The following ME3 variants were observed in gnomAD, a reference collection of about 807,000 sequenced individuals.
The protein encoded by ME3 is malic enzyme 3.
Under a neutral mutation model 68.9 loss-of-function variants are expected in ME3, and 48 were observed. The ratio of observed to expected loss-of-function variants is 0.70; its 90% CI spans 0.55 to 0.89. The LOEUF (loss-of-function observed/expected upper bound fraction) is 0.89, where lower values mean the gene tolerates loss of function less well. Ranked by LOEUF, ME3 falls within the 40% of genes least tolerant of loss-of-function variation. ME3 has a pLI of 0.00. For synonymous variants in ME3, 320 were observed against 318.8 expected, an observed-to-expected ratio of 1.00 and a Z score of -0.04; for missense variants, 675 against 797.4, an observed-to-expected ratio of 0.85 and a Z score of 1.85.
At chr11:86,480,445 G>A (rs1433418874) in intron 7 of ME3, among the ~76,000 whole-genome samples, 48 of 152,284 alleles carry the variant, frequency 3.2e-4, no homozygotes, top group African/African-American at 1.1e-3. Context: ...TACTTTCACA[G>A]GAAGCCATTT....
chr11:86,651,287 G>A (rs917781162), intron 2 of ME3, among the ~76,000 whole-genome samples: 3 of 152,238 alleles, frequency 2.0e-5, no homozygotes, highest in Non-Finnish European at 2.9e-5. Context: ...AGAATGGACA[G>A]ACTGCCTCCT....
intron 13 of ME3, among the ~76,000 whole-genome samples, chr11:86,443,722 A>G (rs1280408018): frequency 6.6e-6 from 1 of 152,180 alleles, no homozygotes; most frequent in East Asian, 1.9e-4. Context: ...TCTCCCCTCA[A>G]TGTTTTCAGA....
chr11:86,597,628 G>A (rs1959740106), intron 2 of ME3, among the ~76,000 whole-genome samples: 2 of 152,196 alleles, frequency 1.3e-5, no homozygotes, highest in East Asian at 1.9e-4. Context: ...CGTGGGAAAT[G>A]CCTTTGAGCA....
intron 2 of ME3, among the ~76,000 whole-genome samples, chr11:86,656,498 A>T (rs917743089): frequency 6.6e-6 from 1 of 151,748 alleles, no homozygotes; most frequent in Non-Finnish European, 1.5e-5. Context: ...CATCGCAAGG[A>T]CAAAAAACCA....
At chr11:86,494,334 C>T (rs1446969996) in intron 6 of ME3, among the ~76,000 whole-genome samples, 1 of 152,206 alleles carries the variant, frequency 6.6e-6, no homozygotes, top group Admixed American at 6.5e-5. Context: ...AACACCTGAC[C>T]CCTTGGAGCA....
chr11:86,475,884 G>GAGAGAGAGAGAA (rs1565830395), intron 7 of ME3, among the ~76,000 whole-genome samples: 4 of 143,192 alleles, frequency 2.8e-5, no homozygotes. Context: ...TAGAGAGAGA[G>GAGAGAGAGAGAA]AGAGAGAGAG....
chr11:86,511,385 C>T (rs1379758198), intron 4 of ME3, among the ~76,000 whole-genome samples: 1 of 152,160 alleles, frequency 6.6e-6, no homozygotes, highest in East Asian at 1.9e-4. Context: ...TTTTTCCATT[C>T]CTTTATGTGC....
rs144877788 is a variant in ME3, at chr11:86,546,188, G to A, written c.467+10365C>T. ...CTCAAGATGGATTAAAGACTTAAAC[G>A]TAAGACCTAAAACCATAAAAACCCT... On this transcript the variant is annotated intron_variant, in intron 4 of 14. Coordinates refer to ENST00000543262, the Ensembl canonical transcript of ME3. 9.8e-4 allele frequency among the ~76,000 whole-genome samples: 149 copies of A among 152,188 alleles called. 2 individuals carry two copies. The East Asian group carries it at 0.025, about 25-fold the overall frequency.
intron 2 of ME3, among the ~76,000 whole-genome samples, chr11:86,583,322 G>C (rs1958545535): frequency 6.6e-6 from 1 of 152,078 alleles, no homozygotes; most frequent in African/African-American, 2.4e-5. Context: ...AGTAATTGTG[G>C]GTTTTGCCAT....
intron 7 of ME3, among the ~76,000 whole-genome samples, chr11:86,474,774 A>G (rs1280397943): frequency 5.3e-5 from 8 of 152,208 alleles, no homozygotes; most frequent in Non-Finnish European, 8.8e-5. Context: ...TCTTTTGATC[A>G]CCTTATGCCC....
At chr11:86,640,747 C>T (rs1002312140) in intron 2 of ME3, among the ~76,000 whole-genome samples, 7 of 152,214 alleles carry the variant, frequency 4.6e-5, no homozygotes, top group African/African-American at 1.7e-4. Flanking sequence ...TTCAGTTATG[C>T]TCTCCATGAT....
At chr11:86,445,590 CCTTG>C (rs1211551074) in intron 13 of ME3, among the ~76,000 whole-genome samples, 2 of 152,178 alleles carry the variant, frequency 1.3e-5, no homozygotes, top group African/African-American at 4.8e-5. Context: ...CATTTCTATG[CCTTG>C]CTTTTGTCAG....
intron 2 of ME3, among the ~76,000 whole-genome samples, chr11:86,580,915 C>G (rs1311598540): frequency 6.6e-6 from 1 of 152,214 alleles, no homozygotes; most frequent in African/African-American, 2.4e-5. Flanking sequence ...TCCTGGTCGG[C>G]CTTATCCCAC....
At chr11:86,457,121 A>G (rs1949985242) in intron 8 of ME3, among the ~76,000 whole-genome samples, 2 of 152,116 alleles carry the variant, frequency 1.3e-5, no homozygotes. Flanking sequence ...TACTTGTCCC[A>G]TTATTCCCAC....
intron 7 of ME3, 93 bp downstream of exon 7, chr11:86,487,244 C>T: frequency 9.5e-7 from 1 of 1,050,586 alleles, no homozygotes; most frequent in Non-Finnish European, 1.5e-6. Flanking sequence ...CATCTACTGC[C>T]TTTACTTTGT....
At chr11:86,639,058 G>A (rs1944513435) in intron 2 of ME3, among the ~76,000 whole-genome samples, 1 of 152,160 alleles carries the variant, frequency 6.6e-6, no homozygotes, top group Non-Finnish European at 1.5e-5. Context: ...TAACACAGCA[G>A]AGCCTCTCAC....
intron 2 of ME3, among the ~76,000 whole-genome samples, chr11:86,560,752 A>ATGTGTG (rs1565953971): frequency 2.9e-5 from 2 of 68,304 alleles, no homozygotes; most frequent in Middle Eastern, 7.7e-3. Flanking sequence ...GTGTGTGTAT[A>ATGTGTG]TATATATATA....
intron 4 of ME3, among the ~76,000 whole-genome samples, chr11:86,539,274 A>C (rs915732785): frequency 1.3e-5 from 2 of 152,050 alleles, no homozygotes; most frequent in African/African-American, 2.4e-5. Flanking sequence ...AGAGATTCTG[A>C]TGGGCCATCT....
At chr11:86,623,404 A>G (rs1943469050) in intron 2 of ME3, among the ~76,000 whole-genome samples, 1 of 152,160 alleles carries the variant, frequency 6.6e-6, no homozygotes, top group Non-Finnish European at 1.5e-5. Flanking sequence ...CAACTTGCAG[A>G]TGGTATGTTT....
Sources: gnomAD v4.1 joint callset for allele counts (sites outside exome capture counted in the v4.1 genomes callset) on GRCh38, gnomAD v4.1.1 for gene constraint, MANE v1.5 for transcripts, NCBI Gene and HGNC (gene_info 2026-07-23, HGNC 2026-07-21) for gene names.